ITPK1: variants seen among roughly 807,000 people sequenced by gnomAD.
ITPK1 encodes inositol-tetrakisphosphate 1-kinase.
In ITPK1, 21 loss-of-function variants were observed where a neutral mutation model predicts 45.3. The ratio of observed to expected loss-of-function variants is 0.46; its 90% confidence interval spans 0.33 to 0.67. The LOEUF (loss-of-function observed/expected upper bound fraction) is 0.67. Among genes scored for constraint, ITPK1 ranks in the 30% least tolerant of loss-of-function variants. The pLI is 0.02. For synonymous variants in ITPK1, 258 were observed against 253.6 expected (o/e 1.02, Z -0.16); for missense variants, 474 against 573.5 (o/e 0.83, Z 1.77).
At chr14:93,106,971 T>G (rs1892552253) in intron 2 of ITPK1, among the ~76,000 whole-genome samples, 1 of 151,958 alleles carries the variant, frequency 6.6e-6, no homozygotes, top group Admixed American at 6.5e-5. Context: ...ATACTTTTTT[T>G]TTTTGAGACA....
At chr14:93,046,737 G>A (rs949514798) in intron 3 of ITPK1, among the ~76,000 whole-genome samples, 1 of 152,174 alleles carries the variant, frequency 6.6e-6, no homozygotes, top group Non-Finnish European at 1.5e-5. Context: ...TCCCACAGCA[G>A]ATGAAAAACT....
At chr14:92,993,121 G>A (rs547744972) in intron 5 of ITPK1, among the ~76,000 whole-genome samples, 1 of 152,368 alleles carries the variant, frequency 6.6e-6, no homozygotes, top group African/African-American at 2.4e-5. Context: ...GGTCTGTAGG[G>A]CAGGGAGCAG....
chr14:92,940,910 G>A lies in ITPK1; in HGVS notation c.*651C>T, dbSNP rs953269884. The stretch of plus-strand genomic sequence containing the variant: ...ACGTGTGTTGGGGGGCCCAGAGGAC[G>A]CCCAGCTTCCTTTCCTTCCCTTTAG... On this transcript the variant is annotated 3_prime_UTR_variant, in exon 11 of 11. Coordinates refer to ENST00000267615, the MANE Select transcript of ITPK1 (RefSeq NM_014216.6). The A allele has an allele frequency of 2.5e-5, 32 of 1,287,856 alleles. No homozygotes were observed. The highest frequency in any genetic ancestry group is 1.7e-4 in the African/African-American group (11 of 65,946). 79.8% of individuals were successfully genotyped at this position (1,287,856 alleles called of 1,614,324 possible).
intron 5 of ITPK1, among the ~76,000 whole-genome samples, chr14:92,990,792 A>C (rs933986691): frequency 3.3e-5 from 5 of 152,132 alleles, no homozygotes; most frequent in African/African-American, 1.2e-4. Flanking sequence ...ACAGACCCTT[A>C]TCCAAGGGCT....
chr14:93,055,244 A>G (rs999366287), intron 3 of ITPK1, among the ~76,000 whole-genome samples: 2 of 152,192 alleles, frequency 1.3e-5, no homozygotes, highest in Non-Finnish European at 2.9e-5. Context: ...CTTTGAGGCC[A>G]TCAGGAATGC....
intron 2 of ITPK1, among the ~76,000 whole-genome samples, chr14:93,100,168 G>A (rs911427036): frequency 6.6e-6 from 1 of 152,232 alleles, no homozygotes; most frequent in Non-Finnish European, 1.5e-5. Flanking sequence ...TTCAGAGACA[G>A]GTATGTGGCC....
chr14:93,100,825 G>A (rs116502453), intron 2 of ITPK1, among the ~76,000 whole-genome samples: 6 of 152,294 alleles, frequency 3.9e-5, no homozygotes, highest in African/African-American at 1.4e-4. Context: ...TTAATTGAGA[G>A]TGAGAGGACT....
At chr14:92,979,352 T>A (rs1462729459) in intron 5 of ITPK1, among the ~76,000 whole-genome samples, 2 of 152,220 alleles carry the variant, frequency 1.3e-5, no homozygotes, top group Non-Finnish European at 2.9e-5. Flanking sequence ...GGACTGGGAC[T>A]TTTGAGTTAA....
intron 3 of ITPK1, among the ~76,000 whole-genome samples, chr14:93,044,636 T>A (rs774918406): frequency 7.9e-5 from 12 of 152,052 alleles, no homozygotes; most frequent in Admixed American, 2.0e-4. Flanking sequence ...AACTGACCAA[T>A]GTGGCGACAA....
chr14:92,973,526 T>G (rs1717082624), intron 5 of ITPK1, among the ~76,000 whole-genome samples: 1 of 152,232 alleles, frequency 6.6e-6, no homozygotes, highest in South Asian at 2.1e-4. Flanking sequence ...GGCCCTGGAC[T>G]CATCCAAAGT....
chr14:93,066,695 C>T (rs1241723900), intron 3 of ITPK1, among the ~76,000 whole-genome samples: 1 of 152,102 alleles, frequency 6.6e-6, no homozygotes, highest in Non-Finnish European at 1.5e-5. Flanking sequence ...TGAGCCACTG[C>T]ACCCACCTGA....
intron 3 of ITPK1, among the ~76,000 whole-genome samples, chr14:93,074,850 T>G (rs1297031732): frequency 6.6e-6 from 1 of 152,080 alleles, no homozygotes; most frequent in Non-Finnish European, 1.5e-5. Flanking sequence ...ACCTCCTCTT[T>G]CCACGCCTGT....
intron 10 of ITPK1, among the ~76,000 whole-genome samples, chr14:92,944,996 G>A (rs2139699730): frequency 6.6e-6 from 1 of 152,312 alleles, no homozygotes; most frequent in African/African-American, 2.4e-5. Flanking sequence ...CCCCGCAGCT[G>A]CACCTGCTGT....
chr14:93,055,113 C>A (rs975659314), intron 3 of ITPK1, among the ~76,000 whole-genome samples: 1 of 152,198 alleles, frequency 6.6e-6, no homozygotes, highest in African/African-American at 2.4e-5. Context: ...ACGTTTCATG[C>A]CTATGGGACT....
At chr14:92,995,102 CCCTCAGGG>C (rs148037417) in intron 4 of ITPK1, among the ~76,000 whole-genome samples, 1,771 of 152,340 alleles carry the variant, frequency 0.012, 36 homozygotes, top group Middle Eastern at 0.037. Context: ...GGAAGCTTCG[CCCTCAGGG>C]CCTCCGGAGG....
Position 92,965,741 on chromosome 14 carries a change from C to T in ITPK1, c.365-2892G>A, listed in dbSNP as rs146413753. Among the ~76,000 whole-genome samples, 737 of 152,328 alleles carry T rather than the reference C, an allele frequency of 4.8e-3. 6 individuals are homozygous for T. Among genetic ancestry groups the T allele is most frequent in the African/African-American group, 0.016 (679 of 41,574 alleles). On this transcript the variant is annotated intron_variant, in intron 5 of 10. Transcript: ENST00000267615. Reference sequence around the variant, plus strand: ...TTTATGGGTCTGGCATGGTGGCTCACGCCTGTAATCCCAGCACTTTGGGAG... The same window carrying T: ...TTTATGGGTCTGGCATGGTGGCTCATGCCTGTAATCCCAGCACTTTGGGAG...
intron 4 of ITPK1, among the ~76,000 whole-genome samples, chr14:93,006,547 C>T (rs1887625921): frequency 6.6e-6 from 1 of 152,212 alleles, no homozygotes. Flanking sequence ...GCACACCCAT[C>T]CTGAAGGTGG....
intron 3 of ITPK1, among the ~76,000 whole-genome samples, chr14:93,023,835 T>G (rs1888591508): frequency 6.6e-6 from 1 of 152,060 alleles, no homozygotes; most frequent in African/African-American, 2.4e-5. Context: ...CCCAGCATCC[T>G]AGGAAAGCTC....
chr14:93,044,996 G>C (rs1302496960), intron 3 of ITPK1, among the ~76,000 whole-genome samples: 1 of 152,222 alleles, frequency 6.6e-6, no homozygotes, highest in African/African-American at 2.4e-5. Flanking sequence ...CAGGAAGAAA[G>C]GGGCATTTAA....
Sources: gnomAD v4.1 joint callset for allele counts (sites outside exome capture counted in the v4.1 genomes callset) on GRCh38, gnomAD v4.1.1 for gene constraint, MANE v1.5 for transcripts, NCBI Gene and HGNC (gene_info 2026-07-23, HGNC 2026-07-21) for gene names.